The following CDC14B variants were observed in gnomAD, a reference collection of about 807,000 sequenced individuals.
CDC14B encodes the protein cell division cycle 14B.
A neutral mutation model predicts 64.2 loss-of-function variants in CDC14B; 22 were observed. That is an observed-to-expected ratio of 0.34 (90% CI 0.24 to 0.49). CDC14B has a LOEUF of 0.49. Among genes scored for constraint, CDC14B ranks in the 20% least tolerant of loss-of-function variants. The probability of loss-of-function intolerance (pLI) is 0.99; values close to 1 mark genes in which losing one functional copy is unlikely to be tolerated. For missense variants in CDC14B, 498 were observed against 629.9 expected (o/e 0.79, Z 2.24); for synonymous variants, 191 against 215.8 (o/e 0.89, Z 1.01).
At chr9:96,529,902 T>C (rs190984844) in intron 9 of CDC14B, among the ~76,000 whole-genome samples, 2 of 152,164 alleles carry the variant, frequency 1.3e-5, no homozygotes, top group Admixed American at 6.5e-5. Context: ...TTCAGAATCA[T>C]TTTTCTATTT....
At chr9:96,523,119 C>A in intron 11 of CDC14B, 142 bp downstream of exon 11, 1 of 875,750 alleles carries the variant, frequency 1.1e-6, no homozygotes, top group Non-Finnish European at 1.8e-6. Flanking sequence ...TAAAAAGTGC[C>A]TAGAGAGGGT....
intron 12 of CDC14B, 110 bp from the exon 13 acceptor site, chr9:96,509,899 G>A: frequency 1.5e-6 from 1 of 660,934 alleles, no homozygotes; most frequent in Non-Finnish European, 2.6e-6. Context: ...AGAATTGAGA[G>A]GATTTTCCAT....
chr9:96,525,194 C>G (rs1837375781), intron 9 of CDC14B, among the ~76,000 whole-genome samples: 1 of 152,006 alleles, frequency 6.6e-6, no homozygotes, highest in Admixed American at 6.6e-5. Flanking sequence ...GGACACTCCC[C>G]CTCTAAAGAG....
chr9:96,612,419 T>A (rs965285751), intron 1 of CDC14B, among the ~76,000 whole-genome samples: 3 of 152,218 alleles, frequency 2.0e-5, no homozygotes, highest in Non-Finnish European at 4.4e-5. Flanking sequence ...TGGCCATCAA[T>A]GGGCATCAAG....
At chr9:96,571,984 A>G (rs905237390) in intron 1 of CDC14B, among the ~76,000 whole-genome samples, 1 of 152,226 alleles carries the variant, frequency 6.6e-6, no homozygotes, top group South Asian at 2.1e-4. Context: ...TCCATCCTTC[A>G]GTCATGGACA....
chr9:96,523,150 A>G, intron 11 of CDC14B, 111 bp downstream of exon 11: 1 of 1,171,432 alleles, frequency 8.5e-7, no homozygotes, highest in Non-Finnish European at 1.2e-6. Context: ...AAAAACTGAC[A>G]ATCATCCAAG....
At position 96,619,533 on chromosome 9, in the gene CDC14B, G is replaced by A; in HGVS notation, c.-155C>T. On this transcript the variant is annotated 5_prime_UTR_variant, in exon 1 of 14. Transcript: ENST00000375241. ...GCGCCGGCAGAGCCCGGCGGGAGGC[G>A]GTCGCGCAGGAGCCGGAGGAGGAGC... 5.2e-6 allele frequency: 1 copy of A among 192,434 alleles called. No homozygotes were observed. 11.9% of individuals were successfully genotyped at this position (192,434 alleles called of 1,614,324 possible).
In CDC14B at chr9:96,530,730, C is replaced by G. The variant is rs1369618278; in HGVS notation, c.946+3197G>C. Among the ~76,000 whole-genome samples the G allele has an allele frequency of 2.6e-5, 4 of 151,878 alleles. No homozygotes were observed. In the South Asian group the frequency reaches 6.2e-4, roughly 24 times the overall value. On this transcript the variant is annotated intron_variant, in intron 9 of 13. Transcript: ENST00000375241. ...AAATAGAAGCCACAAAACCAAGCCT[C>G]CTTGTCTTCTTCATGAGCTTAGAGG...
intron 1 of CDC14B, among the ~76,000 whole-genome samples, chr9:96,579,841 T>G (rs1015433506): frequency 1.3e-5 from 2 of 152,114 alleles, no homozygotes; most frequent in Non-Finnish European, 2.9e-5. Context: ...CGAAGACAGA[T>G]GACAACACTA....
At chr9:96,566,327 C>T (rs532095420) in intron 1 of CDC14B, among the ~76,000 whole-genome samples, 1 of 151,682 alleles carries the variant, frequency 6.6e-6, no homozygotes, top group South Asian at 2.1e-4. Flanking sequence ...TCAGCAGAGC[C>T]AGCTGGCACC....
chr9:96,531,882 T>C (rs973998723), intron 9 of CDC14B, among the ~76,000 whole-genome samples: 2 of 152,162 alleles, frequency 1.3e-5, no homozygotes, highest in African/African-American at 4.8e-5. Context: ...TGTGTGTTAC[T>C]GTCTAGTGTG....
chr9:96,617,622 T>C (rs142402026), intron 1 of CDC14B, among the ~76,000 whole-genome samples: 69 of 152,226 alleles, frequency 4.5e-4, no homozygotes, highest in Admixed American at 8.5e-4. Context: ...CGCACGTGTA[T>C]GGTAGAGAAT....
chr9:96,616,251 G>A (rs369682777), intron 1 of CDC14B, among the ~76,000 whole-genome samples: 53 of 151,982 alleles, frequency 3.5e-4, no homozygotes, highest in Admixed American at 6.6e-4. Flanking sequence ...GCTTGAACCC[G>A]GGAGGCAGAG....
chr9:96,551,986 T>C, intron 4 of CDC14B, 114 bp from the exon 5 acceptor site: 1 of 1,344,084 alleles, frequency 7.4e-7, no homozygotes, highest in South Asian at 1.5e-5. Flanking sequence ...TTCTCCAGCC[T>C]TCCCCAGGAG....
chr9:96,584,676 C>T (rs1305075211), intron 1 of CDC14B, among the ~76,000 whole-genome samples: 2 of 152,108 alleles, frequency 1.3e-5, no homozygotes, highest in East Asian at 1.9e-4. Flanking sequence ...TTTTTTGTGA[C>T]GGAGTCCCGC....
Position 96,503,507 on chromosome 9 carries a change from A to C in CDC14B, c.*246T>G, listed in dbSNP as rs1242705406. ...GAGGGCTTGGGTATTTACACCTGAG[A>C]CTAAATTTACAACAGCATGTTTGTC... On this transcript the variant is annotated 3_prime_UTR_variant, in exon 14 of 14. Transcript: ENST00000375241. 4 of 522,626 alleles carry C rather than the reference A, an allele frequency of 7.7e-6. No homozygotes were observed. Among genetic ancestry groups the C allele is most frequent in the Non-Finnish European group, 1.3e-5 (4 of 297,838 alleles). 32.4% of individuals were successfully genotyped at this position (522,626 alleles called of 1,614,324 possible).
intron 5 of CDC14B, among the ~76,000 whole-genome samples, chr9:96,543,213 G>C (rs1840328841): frequency 6.6e-6 from 1 of 151,930 alleles, no homozygotes; most frequent in Non-Finnish European, 1.5e-5. Context: ...GGGGGCACCT[G>C]TAGTCCCAGC....
intron 1 of CDC14B, among the ~76,000 whole-genome samples, chr9:96,602,850 T>C (rs1470008259): frequency 1.3e-5 from 2 of 152,130 alleles, no homozygotes; most frequent in Non-Finnish European, 2.9e-5. Flanking sequence ...TTAAAAGTAA[T>C]GAGCACCTAT....
At chr9:96,605,509 T>C (rs145700802) in intron 1 of CDC14B, among the ~76,000 whole-genome samples, 1 of 152,194 alleles carries the variant, frequency 6.6e-6, no homozygotes, top group East Asian at 1.9e-4. Context: ...CCCACAGTAG[T>C]AACCTGCCTG....
Sources: gnomAD v4.1 joint callset for allele counts (sites outside exome capture counted in the v4.1 genomes callset) on GRCh38, gnomAD v4.1.1 for gene constraint, MANE v1.5 for transcripts, NCBI Gene and HGNC (gene_info 2026-07-23, HGNC 2026-07-21) for gene names.